CIITA: variants seen among roughly 807,000 people sequenced by gnomAD.
CIITA encodes MHC class II transactivator.
A neutral mutation model predicts 115.1 loss-of-function variants in CIITA; 72 were observed. That is an observed-to-expected ratio of 0.63 (90% confidence interval 0.52 to 0.76). CIITA has a LOEUF of 0.76. Ranked by LOEUF, CIITA falls within the 30% of genes least tolerant of loss-of-function variation. The pLI, the probability that CIITA is intolerant of heterozygous loss-of-function variation, is 0.00. For missense variants in CIITA, 1,617 were observed against 1,463.8 expected, an observed-to-expected ratio of 1.10 and a Z score of -1.71; for synonymous variants, 763 against 635.6, an observed-to-expected ratio of 1.20 and a Z score of -3.02.
rs141479930 is a variant in CIITA, at chr16:10,894,909, T to C, written c.53-373T>C. On this transcript the variant is annotated intron_variant, in intron 1 of 19. Coordinates refer to ENST00000324288, the MANE Select transcript of CIITA (RefSeq NM_000246.4). ...AATACCTTCCTTACATGGTTACTGA[T>C]ATGAGTATTAAATGTGCCAGCTCAT... Among the ~76,000 whole-genome samples, 27 of 152,366 alleles carry C rather than the reference T, an allele frequency of 1.8e-4. No individual in the cohort carries two copies. In the East Asian group the frequency reaches 5.0e-3, roughly 28 times the overall value.
At chr16:10,914,937 G>C (rs1304885395) in intron 13 of CIITA, 4 of 374,120 alleles carry the variant, frequency 1.1e-5, no homozygotes, top group Admixed American at 6.4e-5. Context: ...CCAGGCTGCG[G>C]CGGGAGAAGG....
At chr16:10,871,373 G>T (rs1195841993) in intron 1 of CIITA, among the ~76,000 whole-genome samples, 1 of 152,140 alleles carries the variant, frequency 6.6e-6, no homozygotes. Flanking sequence ...GGCACAAAGG[G>T]GCCCATTTTG....
intron 13 of CIITA, chr16:10,913,398 T>C: frequency 6.1e-6 from 1 of 162,732 alleles, no homozygotes; most frequent in South Asian, 1.4e-4. Context: ...CACTGCAACC[T>C]CCTCCTCCCA....
intron 1 of CIITA, among the ~76,000 whole-genome samples, chr16:10,885,970 G>A (rs1277984528): frequency 6.6e-6 from 1 of 151,740 alleles, no homozygotes; most frequent in Admixed American, 6.6e-5. Context: ...CTTCATTAAT[G>A]TCCCTATTTC....
chr16:10,897,352 G>A (rs111693368), intron 3 of CIITA, among the ~76,000 whole-genome samples: 25 of 152,158 alleles, frequency 1.6e-4, no homozygotes, highest in African/African-American at 4.3e-4. Context: ...TTACTCCCAC[G>A]ACAACCCATT....
At chr16:10,882,488 G>A (rs1019456126) in intron 1 of CIITA, among the ~76,000 whole-genome samples, 10 of 152,162 alleles carry the variant, frequency 6.6e-5, no homozygotes, top group Non-Finnish European at 1.5e-4. Flanking sequence ...CATCACCTTG[G>A]GAGGTCAAGG....
At chr16:10,915,540 G>C (rs757230335) in intron 13 of CIITA, 30 bp from the exon 14 acceptor site, 2 of 1,572,934 alleles carry the variant, frequency 1.3e-6, no homozygotes, top group Non-Finnish European at 1.7e-6. Flanking sequence ...ACTGTGACTG[G>C]AGGTCTTACC....
rs747462138 is a variant in CIITA at position 10,931,318 on chromosome 16, A to T, written c.*7463A>T. The T allele has an allele frequency of 6.5e-6, 1 of 152,708 alleles. No individual in the cohort carries two copies. The highest frequency in any genetic ancestry group is 6.5e-5 in the Admixed American group (1 of 15,284). 9.5% of individuals were successfully genotyped at this position (152,708 alleles called of 1,614,324 possible). On this transcript the variant is annotated 3_prime_UTR_variant, in exon 20 of 20. Transcript: ENST00000324288. ...AGAGACCCTGTCTCAAAAAAAAGAG[A>T]AGATGGAATCACTCGGTGAGGACCT...
chr16:10,872,722 G>A (rs763473038), upstream of CIITA, among the ~76,000 whole-genome samples: 1 of 152,076 alleles, frequency 6.6e-6, no homozygotes, highest in East Asian at 1.9e-4. Flanking sequence ...CCTATTCACC[G>A]ATCTCTTTCT....
Position 10,923,004 on chromosome 16 carries a change from C to T in CIITA, c.3318-224C>T, listed in dbSNP as rs2040357908. ...ATAAAGCACAGAGCAGTTAACTAACCTTTCTGGGGTCACACAGCAAGTCAG... is the reference window on the plus strand; with the variant it reads ...ATAAAGCACAGAGCAGTTAACTAACTTTTCTGGGGTCACACAGCAAGTCAG... On this transcript the variant is annotated intron_variant, in intron 18 of 19. Transcript: ENST00000324288. This position sits in a 1 kb window ranked among gnomAD's most constrained non-coding sequence, Gnocchi z 5.2. 3 of 589,384 alleles carry T rather than the reference C, an allele frequency of 5.1e-6. No homozygotes were observed. The highest frequency in any genetic ancestry group is 2.0e-5 in the South Asian group (1 of 50,712). 36.5% of individuals were successfully genotyped at this position (589,384 alleles called of 1,614,324 possible).
chr16:10,925,745 C>CA lies in CIITA; in HGVS notation c.*1891dup. 1 of 152,388 alleles carries CA rather than the reference C, an allele frequency of 6.6e-6. No individual in the cohort carries two copies. The highest frequency in any genetic ancestry group is 3.4e-3 in the Middle Eastern group (1 of 294). The allele number at this position is 152,388 out of a possible 1,614,324, so 9.4% of individuals were successfully genotyped here. A position where few individuals can be genotyped will look rare whatever the true frequency, so the allele number is the denominator to read the frequency against. On this transcript the variant is annotated 3_prime_UTR_variant, in exon 20 of 20. Coordinates refer to ENST00000324288, the MANE Select transcript of CIITA (RefSeq NM_000246.4). The stretch of plus-strand genomic sequence containing the variant: ...ACACACGCGTGCACACACCAGAGCC[C>CA]ACCTTGGCTCAAGTCCTCTTTTCTG...
chr16:10,908,466 G>A (rs542518214), intron 11 of CIITA: 31 of 482,864 alleles, frequency 6.4e-5, no homozygotes, highest in African/African-American at 2.9e-4. Context: ...CCCTGAGCAC[G>A]CCACCGTTTT....
Position 10,934,068 on chromosome 16 carries a change from A to T in CIITA, c.*10213A>T, listed in dbSNP as rs2040916426. The T allele has an allele frequency of 6.6e-6, 1 of 152,202 alleles. No individual in the cohort carries two copies. Among genetic ancestry groups the T allele is most frequent in the Admixed American group, 6.5e-5 (1 of 15,278 alleles). The allele number at this position is 152,202 out of a possible 1,614,324, so 9.4% of individuals were successfully genotyped here. ...TTCTCAAACCTGGCTTCGGATTTGC[A>T]CGTTGGCTGCCAAAGCTGATCAGCA... is the stretch of plus-strand genomic sequence containing the variant. On this transcript the variant is annotated 3_prime_UTR_variant, in exon 20 of 20. Coordinates refer to ENST00000324288, the MANE Select transcript of CIITA (RefSeq NM_000246.4). The surrounding 1 kb of genome is among the most constrained non-coding windows in gnomAD (Gnocchi z 4.2).
chr16:10,871,501 C>G (rs1596390585), intron 1 of CIITA, among the ~76,000 whole-genome samples: 1 of 152,250 alleles, frequency 6.6e-6, no homozygotes, highest in East Asian at 1.9e-4. Context: ...ACATTTTTGC[C>G]CATGAGGTCT....
chr16:10,902,476 TTC>T (rs1478849312), intron 7 of CIITA, among the ~76,000 whole-genome samples, 180 bp from the exon 8 acceptor site: 1 of 152,194 alleles, frequency 6.6e-6, no homozygotes, highest in Non-Finnish European at 1.5e-5. Flanking sequence ...ATGGAGCCCC[TTC>T]TCTGTGCCAA....
At chr16:10,904,903 C>A (rs1292477629) in intron 10 of CIITA, 91 bp downstream of exon 10, 3 of 1,326,276 alleles carry the variant, frequency 2.3e-6, no homozygotes, top group Non-Finnish European at 2.2e-6. Flanking sequence ...ACTTATTCAA[C>A]CCCTTCTTTG....
chr16:10,900,567 C>G (rs1351513756), intron 5 of CIITA, among the ~76,000 whole-genome samples: 4 of 151,854 alleles, frequency 2.6e-5, no homozygotes, highest in African/African-American at 9.7e-5. Flanking sequence ...TGGTGAAACC[C>G]CATCTCTACT....
At chr16:10,911,213 TCTC>T (rs374659645) in intron 13 of CIITA, among the ~76,000 whole-genome samples, 4,609 of 145,734 alleles carry the variant, frequency 0.032, 241 homozygotes, top group African/African-American at 0.11. Context: ...TTTCCTTTCT[TCTC>T]TCTTTCTTTT....
intron 13 of CIITA, among the ~76,000 whole-genome samples, chr16:10,911,308 CTCCT>C (rs778009568): frequency 2.4e-4 from 32 of 131,476 alleles, no homozygotes; most frequent in African/African-American, 3.7e-4. Flanking sequence ...CCCTCCCTCC[CTCCT>C]TCCTTCCTTC....
Sources: gnomAD v4.1 joint callset for allele counts (sites outside exome capture counted in the v4.1 genomes callset) on GRCh38, gnomAD v4.1.1 for gene constraint, Gnocchi (gnomAD v3.1) non-coding constraint, MANE v1.5 for transcripts, NCBI Gene and HGNC (gene_info 2026-07-23, HGNC 2026-07-21) for gene names.